Variants in DOCK5 observed in about 807,000 individuals in gnomAD.
The protein encoded by DOCK5 is dedicator of cytokinesis protein 5.
DOCK5 carries 142 observed loss-of-function variants against 251.8 expected under a neutral mutation model. The observed-to-expected ratio is 0.56, with a 90% CI of 0.49 to 0.65. The LOEUF (loss-of-function observed/expected upper bound fraction) is 0.65, where lower values mean the gene tolerates loss of function less well. Ranked by LOEUF, DOCK5 falls within the 30% of genes least tolerant of loss-of-function variation. DOCK5 has a pLI of 0.00. For synonymous variants in DOCK5, 842 were observed against 835.5 expected, an observed-to-expected ratio of 1.01 and a Z score of -0.13; for missense variants, 2,111 against 2,312.3, an observed-to-expected ratio of 0.91 and a Z score of 1.79.
At position 25,296,567 on chromosome 8, in the gene DOCK5, T is replaced by A. The variant is rs1434652684; in HGVS notation, c.525T>A (p.Pro175=). 1 of 1,612,208 alleles carries A rather than the reference T, an allele frequency of 6.2e-7. No individual in the cohort carries two copies. The highest frequency in any genetic ancestry group is 1.3e-5 in the African/African-American group (1 of 74,878). Residue 175 remains proline, a synonymous_variant, in exon 7 of 52, where the codon CCT becomes CCA. Transcript: ENST00000276440. ...ATGACAATGGGAACATCCTAGACCC[T>A]GACGAAACCAGCACCATTGCCCTCT... The part of the protein sequence containing the change: ...VRDDNGNILD[P]DETSTIALFK...
At chr8:25,239,351 G>GTT (rs386412350) in intron 1 of DOCK5, among the ~76,000 whole-genome samples, 1 of 151,236 alleles carries the variant, frequency 6.6e-6, no homozygotes, top group Non-Finnish European at 1.5e-5. Flanking sequence ...ATGTGTGTGT[G>GTT]TGTGTGTGTG....
intron 23 of DOCK5, 150 bp from the exon 24 acceptor site, chr8:25,341,589 C>A: frequency 1.5e-6 from 1 of 677,572 alleles, no homozygotes; most frequent in Non-Finnish European, 2.5e-6. Context: ...TCGTGTAGAG[C>A]AATGCCAGCT....
At chr8:25,375,141 T>G in intron 37 of DOCK5, 1 of 364,068 alleles carries the variant, frequency 2.7e-6, no homozygotes, top group Non-Finnish European at 4.1e-6. Context: ...ACATATAAAC[T>G]TTGATTGGCC....
chr8:25,404,477 C>G lies in DOCK5; in HGVS notation c.5093+753C>G, dbSNP rs564823232. Among the ~76,000 whole-genome samples, 10 of 152,228 alleles carry G rather than the reference C, an allele frequency of 6.6e-5. No individual in the cohort carries two copies. In the South Asian group the frequency reaches 1.9e-3, roughly 28 times the overall value. On this transcript the variant is annotated intron_variant, in intron 48 of 51. Transcript: ENST00000276440. ...ATTTGCGTTATACCTGTTCAGCATC[C>G]CTAATCCAAAAACCCCAAATCTGAA...
intron 1 of DOCK5, among the ~76,000 whole-genome samples, chr8:25,226,692 T>A (rs1033227376): frequency 9.9e-5 from 15 of 151,554 alleles, no homozygotes; most frequent in African/African-American, 3.4e-4. Flanking sequence ...TTCACGCCAC[T>A]CTCCTGCCTC....
intron 1 of DOCK5, among the ~76,000 whole-genome samples, chr8:25,223,052 C>T (rs945952446): frequency 6.6e-6 from 1 of 152,128 alleles, no homozygotes; most frequent in Non-Finnish European, 1.5e-5. Context: ...AGTGGCTTAC[C>T]TAGGAGCCAA....
At chr8:25,336,604 G>A (rs1464148712) in intron 22 of DOCK5, among the ~76,000 whole-genome samples, 1 of 152,120 alleles carries the variant, frequency 6.6e-6, no homozygotes, top group African/African-American at 2.4e-5. Flanking sequence ...TCAGGACTTG[G>A]GGAAGCAGAT....
chr8:25,292,313 C>A, intron 6 of DOCK5, 141 bp downstream of exon 6: 1 of 1,061,196 alleles, frequency 9.4e-7, no homozygotes, highest in Non-Finnish European at 1.3e-6. Context: ...TCTTTGAAGA[C>A]ATTTAATTTT....
intron 45 of DOCK5, among the ~76,000 whole-genome samples, 188 bp from the exon 46 acceptor site, chr8:25,399,723 A>G (rs1801404285): frequency 6.6e-6 from 1 of 152,182 alleles, no homozygotes; most frequent in Non-Finnish European, 1.5e-5. Flanking sequence ...CTAATTAAGG[A>G]AAGACCACAC....
At chr8:25,238,914 A>T (rs1433222131) in intron 1 of DOCK5, among the ~76,000 whole-genome samples, 1 of 152,254 alleles carries the variant, frequency 6.6e-6, no homozygotes, top group Non-Finnish European at 1.5e-5. Flanking sequence ...CGAGGGCCCC[A>T]ATCATAGGGA....
In DOCK5 at chr8:25,412,441, TA is replaced by T. The variant is rs1801648489; in HGVS notation, c.*1146del. On this transcript the variant is annotated 3_prime_UTR_variant, in exon 52 of 52. Coordinates refer to ENST00000276440, the MANE Select transcript of DOCK5 (RefSeq NM_024940.8). The stretch of plus-strand genomic sequence containing the variant: ...TCAACCAACCAGTCCCCTTATTTAG[TA>T]AATAAGGAAATTGAGGCTACACACA... 6.6e-6 allele frequency: 1 copy of T among 152,124 alleles called. No individual in the cohort carries two copies. 9.4% of individuals were successfully genotyped at this position (152,124 alleles called of 1,614,324 possible). A position where few individuals can be genotyped will look rare whatever the true frequency, so the allele number is the denominator to read the frequency against.
At position 25,340,931 on chromosome 8, in the gene DOCK5, A is replaced by G. The variant is rs756166943; in HGVS notation, c.2382A>G (p.Leu794=). ...GDEFNNSIRQ[L]FLAFNMLMDR... The stretch of plus-strand genomic sequence containing the variant: ...AGTTTAATAATTCAATTCGCCAGTT[A>G]TTTCTTGCTTTCAATATGCTGATGG... Residue 794 remains leucine (L), a synonymous_variant, in exon 23 of 52, where the codon TTA becomes TTG. Transcript: ENST00000276440. The G allele has an allele frequency of 1.2e-6, 2 of 1,613,650 alleles. No homozygotes were observed. The highest frequency in any genetic ancestry group is 4.5e-5 in the East Asian group (2 of 44,868).
At chr8:25,410,566 ATTCT>A in intron 51 of DOCK5, among the ~76,000 whole-genome samples, 1 of 151,916 alleles carries the variant, frequency 6.6e-6, no homozygotes, top group Non-Finnish European at 1.5e-5. Context: ...GGCTCAAGTG[ATTCT>A]CCTACCTTGG....
At chr8:25,364,511 A>G (rs1422351109) in intron 29 of DOCK5, 115 bp from the exon 30 acceptor site, 1 of 690,740 alleles carries the variant, frequency 1.4e-6, no homozygotes, top group African/African-American at 1.8e-5. Flanking sequence ...CTGTTAGATT[A>G]TGAGGTCTTA....
At chr8:25,327,111 A>G (rs946863575) in intron 18 of DOCK5, among the ~76,000 whole-genome samples, 1 of 152,182 alleles carries the variant, frequency 6.6e-6, no homozygotes, top group African/African-American at 2.4e-5. Context: ...GGGAGCAATA[A>G]TAGTATCTAT....
chr8:25,243,810 T>A, intron 2 of DOCK5, 53 bp downstream of exon 2: 1 of 1,556,982 alleles, frequency 6.4e-7, no homozygotes, highest in Admixed American at 1.8e-5. Context: ...ACAGTGTAAG[T>A]TACTTATTAA....
At position 25,334,191 on chromosome 8, in the gene DOCK5, A is replaced by G. The variant is rs1438006349; in HGVS notation, c.2187A>G (p.Ala729=). The G allele has an allele frequency of 1.2e-6, 2 of 1,612,356 alleles. No individual in the cohort carries two copies. The highest frequency in any genetic ancestry group is 1.7e-6 in the Non-Finnish European group (2 of 1,178,366). Reference sequence around the variant, plus strand: ...ACAAGCACTTCAGCGCCACTTTGGCATATGTGTAAGTATGATCTGAAGGAA... The same window carrying G: ...ACAAGCACTTCAGCGCCACTTTGGCGTATGTGTAAGTATGATCTGAAGGAA... ...YIYKHFSATL[A]YVKLSKVLNF... is the part of the protein sequence containing the mutation. Residue 729 remains alanine, a synonymous_variant, in exon 21 of 52, where the codon GCA becomes GCG. Coordinates refer to ENST00000276440, the MANE Select transcript of DOCK5 (RefSeq NM_024940.8).
At chr8:25,291,494 C>T (rs938691867) in intron 5 of DOCK5, among the ~76,000 whole-genome samples, 1 of 150,330 alleles carries the variant, frequency 6.7e-6, no homozygotes, top group African/African-American at 2.5e-5. Context: ...ACCAGCCTGG[C>T]CAACGTGATG....
intron 1 of DOCK5, among the ~76,000 whole-genome samples, chr8:25,222,114 T>G (rs1802406646): frequency 6.6e-6 from 1 of 152,184 alleles, no homozygotes; most frequent in Non-Finnish European, 1.5e-5. Flanking sequence ...AAGGATGAGT[T>G]CGTGATCTCG....
Sources: gnomAD v4.1 joint callset for allele counts (sites outside exome capture counted in the v4.1 genomes callset) on GRCh38, gnomAD v4.1.1 for gene constraint, MANE v1.5 for transcripts, NCBI Gene and HGNC (gene_info 2026-07-23, HGNC 2026-07-21) for gene names.